Variants in PIK3R6 observed in about 807,000 individuals in gnomAD.
PIK3R6 encodes the protein phosphoinositide-3-kinase regulatory subunit 6.
Under a neutral mutation model 84.9 loss-of-function variants are expected in PIK3R6, and 91 were observed. The ratio of observed to expected loss-of-function variants is 1.07; its 90% CI spans 0.90 to 1.28. PIK3R6 has a LOEUF of 1.28. Ranked by LOEUF, PIK3R6 falls within the 50% of genes most tolerant of loss-of-function variation. The probability of loss-of-function intolerance (pLI) is 0.00; values close to 1 mark genes in which losing one functional copy is unlikely to be tolerated. For missense variants in PIK3R6, 996 were observed against 985.1 expected (o/e 1.01, Z -0.15); for synonymous variants, 416 against 411.4 (o/e 1.01, Z -0.13).
intron 1 of PIK3R6, among the ~76,000 whole-genome samples, chr17:8,865,724 C>T (rs1378753440): frequency 1.3e-5 from 2 of 152,058 alleles, no homozygotes; most frequent in Admixed American, 1.3e-4. Flanking sequence ...TAGCCCTTGC[C>T]CCCATGAGGT....
At chr17:8,865,611 T>G (rs1567620450) in intron 1 of PIK3R6, among the ~76,000 whole-genome samples, 1 of 151,626 alleles carries the variant, frequency 6.6e-6, no homozygotes, top group Non-Finnish European at 1.5e-5. Context: ...TAGCTGTGTT[T>G]TTTTTTTTTT....
rs777981900 is a variant in PIK3R6 at position 8,828,815 on chromosome 17, T to G, written c.1065A>C (p.Ala355=). The G allele has an allele frequency of 6.3e-7, 1 of 1,589,858 alleles. No homozygotes were observed. The highest frequency in any genetic ancestry group is 8.6e-7 in the Non-Finnish European group (1 of 1,166,600). The change falls in exon 11 of 20, where the codon GCA becomes GCC. Residue 355 remains alanine (A), a synonymous_variant. Transcript: ENST00000619866. ...CTCGCTCCATCTCAGGGCTGCCGGG[T>G]GCAGGCAGCTCATCAGCCCCCGTGG... ...DLPTGADELP[A]PGSPEMERAG... is the part of the protein sequence containing the mutation.
At chr17:8,823,755 C>T (rs2087822944) in intron 13 of PIK3R6, among the ~76,000 whole-genome samples, 1 of 152,164 alleles carries the variant, frequency 6.6e-6, no homozygotes, top group Non-Finnish European at 1.5e-5. Context: ...ATGTGTGAGG[C>T]ACTGTGCTAA....
At position 8,839,709 on chromosome 17, in the gene PIK3R6, T is replaced by C; in HGVS notation, c.14-12A>G. ...GTCCAGCTCCACATCTGGGCAGTGG[T>C]AGGGGTGGGAGGAAACTCAGTCCAC... On this transcript the variant is annotated splice_polypyrimidine_tract_variant and intron_variant, in intron 2 of 19. Transcript: ENST00000619866. This position sits in a 1 kb window ranked among gnomAD's most constrained non-coding sequence, Gnocchi z 4.2. 4 of 1,560,722 alleles carry C rather than the reference T, an allele frequency of 2.6e-6. No homozygotes were observed. The highest frequency in any genetic ancestry group is 3.5e-6 in the Non-Finnish European group (4 of 1,151,528).
At chr17:8,840,168 TAGCCTCCAA>T (rs2088623880) in intron 2 of PIK3R6, among the ~76,000 whole-genome samples, 2 of 96,806 alleles carry the variant, frequency 2.1e-5, no homozygotes, top group South Asian at 3.0e-4. Context: ...ATATGAAATA[TAGCCTCCAA>T]ATATATATAT....
rs529412495 is a variant in PIK3R6, at chr17:8,829,622, G to GCACACAGACACA, written c.889+83_889+84insTGTGTCTGTGTG. On this transcript the variant is annotated intron_variant, in intron 10 of 19. Transcript: ENST00000619866. Reference sequence around the variant, plus strand: ...TGCATACACACACTGACACACGCATGCACACTGACACACACTCATGCACGC... The same window carrying GCACACAGACACA: ...TGCATACACACACTGACACACGCATGCACACAGACACACACACTGACACACACTCATGCACGC... The GCACACAGACACA allele has an allele frequency of 2.1e-3, 2,704 of 1,315,206 alleles. 69 individuals are homozygous for GCACACAGACACA. The African/African-American group carries it at 0.038, about 19-fold the overall frequency. The allele number at this position is 1,315,206 out of a possible 1,614,324, so 81.5% of individuals were successfully genotyped here. A position where few individuals can be genotyped will look rare whatever the true frequency, so the allele number is the denominator to read the frequency against.
intron 1 of PIK3R6, among the ~76,000 whole-genome samples, chr17:8,864,037 T>C (rs1309994878): frequency 1.3e-5 from 2 of 152,152 alleles, no homozygotes; most frequent in Admixed American, 6.5e-5. Context: ...ACTAGGAAGA[T>C]GTTGGGAGAC....
intron 1 of PIK3R6, among the ~76,000 whole-genome samples, chr17:8,867,068 A>G (rs1490040417): frequency 1.3e-5 from 2 of 152,138 alleles, no homozygotes; most frequent in Non-Finnish European, 2.9e-5. Flanking sequence ...CTCCTTGCTA[A>G]CCCACTCTGC....
intron 12 of PIK3R6, among the ~76,000 whole-genome samples, chr17:8,827,748 A>G (rs1194145187): frequency 7.9e-5 from 6 of 76,150 alleles, no homozygotes; most frequent in Non-Finnish European, 1.5e-4. Flanking sequence ...AAGGGGAGAG[A>G]GAGAGAGAGA....
intron 17 of PIK3R6, among the ~76,000 whole-genome samples, chr17:8,819,466 T>C (rs2087646888): frequency 6.6e-6 from 1 of 151,736 alleles, no homozygotes; most frequent in Non-Finnish European, 1.5e-5. Context: ...ACCCTTTCAT[T>C]ATCTCCTCCT....
chr17:8,846,831 A>G (rs1049905504), intron 2 of PIK3R6, among the ~76,000 whole-genome samples: 9 of 152,102 alleles, frequency 5.9e-5, no homozygotes. Flanking sequence ...ACTCCCCTGC[A>G]GTTAGATAAT....
intron 2 of PIK3R6, among the ~76,000 whole-genome samples, chr17:8,848,812 T>G (rs1406232075): frequency 6.6e-6 from 1 of 152,108 alleles, no homozygotes; most frequent in African/African-American, 2.4e-5. Flanking sequence ...CTACTTCTGA[T>G]TGGACGAGGC....
At chr17:8,864,371 C>T (rs1837818487) in intron 1 of PIK3R6, among the ~76,000 whole-genome samples, 1 of 151,826 alleles carries the variant, frequency 6.6e-6, no homozygotes, top group Admixed American at 6.6e-5. Flanking sequence ...TGTTCATGCT[C>T]CTAGTTGTGC....
chr17:8,807,219 G>C (rs921080861), intron 18 of PIK3R6, among the ~76,000 whole-genome samples: 2 of 152,164 alleles, frequency 1.3e-5, no homozygotes, highest in Admixed American at 6.5e-5. Flanking sequence ...ACAGTGGATA[G>C]GCTGCCTCAG....
At chr17:8,832,595 G>A (rs1312445215) in intron 9 of PIK3R6, among the ~76,000 whole-genome samples, 1 of 149,656 alleles carries the variant, frequency 6.7e-6, no homozygotes, top group African/African-American at 2.5e-5. Flanking sequence ...TTTAGTAGAG[G>A]GTTTCCCCAT....
At chr17:8,830,616 C>T (rs901012834) in intron 9 of PIK3R6, among the ~76,000 whole-genome samples, 4 of 152,198 alleles carry the variant, frequency 2.6e-5, no homozygotes, top group African/African-American at 9.7e-5. Flanking sequence ...CTGCCAATGG[C>T]CCTGGGCAAC....
chr17:8,846,260 C>G (rs1360565159), intron 2 of PIK3R6, among the ~76,000 whole-genome samples: 1 of 152,166 alleles, frequency 6.6e-6, no homozygotes, highest in East Asian at 1.9e-4. Context: ...TGTCAAAGAT[C>G]AGGTGGCTGT....
In PIK3R6 at chr17:8,838,617, C is replaced by A; in HGVS notation, c.136G>T (p.Asp46Tyr). 6.2e-7 allele frequency: 1 copy of A among 1,607,020 alleles called. No individual in the cohort carries two copies. Among genetic ancestry groups the A allele is most frequent in the Non-Finnish European group, 8.5e-7 (1 of 1,176,788 alleles). The change falls in exon 4 of 20, where the codon GAT becomes TAT. Residue 46 changes from aspartate to tyrosine, a missense_variant. Physicochemically the swap from Asp to Tyr is radical, Grantham distance 160. Coordinates refer to ENST00000619866, the MANE Select transcript of PIK3R6 (RefSeq NM_001010855.4). ...RWSLHKKVER[D>Y]PGKSPVLVRI... The stretch of plus-strand genomic sequence containing the variant: ...ACCAGCACTGGGCTCTTACCGGGAT[C>A]TCGCTCGACCTTCTTGTGCAGGGAC...
chr17:8,861,429 A>G (rs773223048), intron 1 of PIK3R6, among the ~76,000 whole-genome samples: 1 of 152,164 alleles, frequency 6.6e-6, no homozygotes, highest in Non-Finnish European at 1.5e-5. Flanking sequence ...ACTTTCTGCA[A>G]TTTCAGTTGC....
Sources: allele counts gnomAD v4.1 joint callset (sites outside exome capture counted in the v4.1 genomes callset), GRCh38; gene constraint gnomAD v4.1.1; non-coding constraint Gnocchi (gnomAD v3.1); transcripts MANE v1.5; gene names NCBI Gene and HGNC (gene_info 2026-07-23, HGNC 2026-07-21).